The following RAD21L1 variants were observed in gnomAD, a reference collection of about 807,000 sequenced individuals.
RAD21L1 encodes double-strand-break repair protein rad21-like protein 1.
Under a neutral mutation model 69.0 loss-of-function variants are expected in RAD21L1, and 47 were observed. The observed-to-expected ratio is 0.68, with a 90% CI of 0.54 to 0.87. The LOEUF (loss-of-function observed/expected upper bound fraction) is 0.87, where lower values mean the gene tolerates loss of function less well. Ranked by LOEUF, RAD21L1 falls within the 40% of genes least tolerant of loss-of-function variation. RAD21L1 has a pLI of 0.00. For missense variants in RAD21L1, 583 were observed against 647.6 expected, an observed-to-expected ratio of 0.90 and a Z score of 1.08; for synonymous variants, 177 against 205.8, an observed-to-expected ratio of 0.86 and a Z score of 1.20.
chr20:1,237,917 G>T, intron 5 of RAD21L1, 127 bp from the exon 6 acceptor site: 1 of 499,674 alleles, frequency 2.0e-6, no homozygotes, highest in Non-Finnish European at 3.4e-6. Flanking sequence ...AAGTCTTTCA[G>T]CCATTCTCTT....
intron 7 of RAD21L1, 45 bp from the exon 8 acceptor site, chr20:1,240,276 C>A: frequency 6.6e-7 from 1 of 1,507,336 alleles, no homozygotes; most frequent in South Asian, 1.3e-5. Flanking sequence ...AGCCTGCATC[C>A]TAACTGGTTT....
intron 5 of RAD21L1, among the ~76,000 whole-genome samples, chr20:1,235,154 G>A (rs1600219191): frequency 6.6e-6 from 1 of 152,056 alleles, no homozygotes; most frequent in East Asian, 1.9e-4. Context: ...TACACCTCTT[G>A]TCTTGGTCTA....
At chr20:1,228,851 C>T (rs889757704) in intron 2 of RAD21L1, among the ~76,000 whole-genome samples, 37 of 152,138 alleles carry the variant, frequency 2.4e-4, no homozygotes, top group African/African-American at 8.4e-4. Context: ...TATTCATATT[C>T]CTTTCTTATT....
At chr20:1,236,748 A>G (rs988583604) in intron 5 of RAD21L1, among the ~76,000 whole-genome samples, 1 of 152,220 alleles carries the variant, frequency 6.6e-6, no homozygotes, top group African/African-American at 2.4e-5. Flanking sequence ...TTTCTCTTCT[A>G]TAAAAACTGC....
intron 13 of RAD21L1, among the ~76,000 whole-genome samples, chr20:1,251,438 T>C (rs184993613): frequency 9.5e-4 from 144 of 151,850 alleles, no homozygotes; most frequent in East Asian, 2.7e-3. Flanking sequence ...TTCATGTTCC[T>C]GAGTTTTAGA....
chr20:1,244,374 A>G (rs1470751324), intron 11 of RAD21L1, among the ~76,000 whole-genome samples: 1 of 152,172 alleles, frequency 6.6e-6, no homozygotes. Flanking sequence ...AAATTGCAAG[A>G]TAAGGTGGTT....
chr20:1,238,344 T>C (rs558176735), intron 6 of RAD21L1, 130 bp downstream of exon 6: 1 of 601,734 alleles, frequency 1.7e-6, no homozygotes, highest in African/African-American at 1.9e-5. Context: ...TACTTTTTTT[T>C]ATACAAGTTT....
chr20:1,239,772 G>A (rs1462228531), intron 7 of RAD21L1, among the ~76,000 whole-genome samples: 1 of 152,048 alleles, frequency 6.6e-6, no homozygotes, highest in Non-Finnish European at 1.5e-5. Flanking sequence ...AAATTCATAC[G>A]GAAGTACCTC....
At chr20:1,233,380 G>A (rs2087431948) in intron 4 of RAD21L1, among the ~76,000 whole-genome samples, 1 of 152,118 alleles carries the variant, frequency 6.6e-6, no homozygotes, top group African/African-American at 2.4e-5. Context: ...AGTTAGTCTG[G>A]GATATTAGGA....
chr20:1,249,067 A>G (rs1474527611), intron 13 of RAD21L1, among the ~76,000 whole-genome samples: 1 of 152,196 alleles, frequency 6.6e-6, no homozygotes, highest in African/African-American at 2.4e-5. Context: ...AAAATAATAC[A>G]TGTATATTAT....
At position 1,238,217 on chromosome 20, in the gene RAD21L1, A is replaced by T; in HGVS notation, c.646+3A>T. ...AGGAGCTGCAGGAGAAATGATTGGTATGCTATCTGGTCATGTGGAAATAAA... is the reference window on the plus strand; with the variant it reads ...AGGAGCTGCAGGAGAAATGATTGGTTTGCTATCTGGTCATGTGGAAATAAA... On this transcript the variant is annotated splice_donor_region_variant and intron_variant, in intron 6 of 13. Transcript: ENST00000683101. 1 of 1,496,082 alleles carries T rather than the reference A, an allele frequency of 6.7e-7. No homozygotes were observed. The highest frequency in any genetic ancestry group is 2.5e-5 in the East Asian group (1 of 40,252). The allele number at this position is 1,496,082 out of a possible 1,614,324, so 92.7% of individuals were successfully genotyped here. A position where few individuals can be genotyped will look rare whatever the true frequency, so the allele number is the denominator to read the frequency against.
At chr20:1,226,686 C>T (rs530326672) in intron 1 of RAD21L1, among the ~76,000 whole-genome samples, 1 of 152,200 alleles carries the variant, frequency 6.6e-6, no homozygotes, top group African/African-American at 2.4e-5. Flanking sequence ...GGCCCCATCC[C>T]GGTGGCTTCA....
intron 5 of RAD21L1, among the ~76,000 whole-genome samples, chr20:1,235,685 G>T (rs149605001): frequency 6.2e-4 from 94 of 152,040 alleles, no homozygotes; most frequent in African/African-American, 2.2e-3. Context: ...CAACACATTG[G>T]CAAAGAGGTA....
At chr20:1,249,665 A>G (rs1257208169) in intron 13 of RAD21L1, among the ~76,000 whole-genome samples, 4 of 152,226 alleles carry the variant, frequency 2.6e-5, no homozygotes, top group Non-Finnish European at 5.9e-5. Flanking sequence ...TAGCTGGGAA[A>G]TGTAGTCTTT....
Position 1,238,068 on chromosome 20 carries a change from G to C in RAD21L1, c.500G>C (p.Arg167Thr). The C allele has an allele frequency of 6.6e-7, 1 of 1,522,158 alleles. No individual in the cohort carries two copies. Among genetic ancestry groups the C allele is most frequent in the Admixed American group, 2.0e-5 (1 of 50,302 alleles). 94.3% of individuals were successfully genotyped at this position (1,522,158 alleles called of 1,614,324 possible). The stretch of plus-strand genomic sequence containing the variant: ...GGGGAGGAATCTGAAATTCTCAGAA[G>C]ACATAGCTTCTTTGATGACAACATA... Reference protein sequence around the residue: ...SFGEESEILRRHSFFDDNILL... With the variant: ...SFGEESEILRTHSFFDDNILL... The change falls in exon 6 of 14, where the codon AGA becomes ACA. Residue 167 changes from arginine (R) to threonine (T), a missense_variant. Arg to Thr is a moderately conservative substitution (Grantham distance 71, BLOSUM62 -1). Transcript: ENST00000683101.
Position 1,248,045 on chromosome 20 carries a change from C to CAAAAAA in RAD21L1, c.1402-563_1402-558dup, listed in dbSNP as rs71327497. On this transcript the variant is annotated intron_variant, in intron 12 of 13. Transcript: ENST00000683101. ...CTGAAAGTGGTTAAGCCTTAAATAC[C>CAAAAAA]AAAAAAAAAAAAAAAAAAAAAAAGA... 3.3e-4 allele frequency among the ~76,000 whole-genome samples: 24 copies of CAAAAAA among 71,926 alleles called. 1 individual carries two copies. Among genetic ancestry groups the CAAAAAA allele is most frequent in the African/African-American group, 7.4e-4 (13 of 17,530 alleles). The allele number at this position is 71,926 out of a possible 152,430, so 47.2% of individuals were successfully genotyped here.
chr20:1,233,978 A>G lies in RAD21L1; in HGVS notation c.369-107A>G, dbSNP rs1011571839. 6.8e-6 allele frequency: 4 copies of G among 586,454 alleles called. No individual in the cohort carries two copies. The Admixed American group carries it at 9.4e-5, about 14-fold the overall frequency. The allele number at this position is 586,454 out of a possible 1,614,324, so 36.3% of individuals were successfully genotyped here. On this transcript the variant is annotated intron_variant, in intron 4 of 13. Transcript: ENST00000683101. ...TAAACTAGTGTTTATAAATAATACT[A>G]TTGAGAAAATGAAAGTTGTTTTAGT...
At chr20:1,227,856 AACTCC>A (rs950881086) in intron 1 of RAD21L1, among the ~76,000 whole-genome samples, 7 of 152,162 alleles carry the variant, frequency 4.6e-5, no homozygotes, top group Admixed American at 6.5e-5. Flanking sequence ...ATGGAATGGA[AACTCC>A]ACTCCACTCC....
At chr20:1,247,750 A>C (rs1166989818) in intron 12 of RAD21L1, among the ~76,000 whole-genome samples, 1 of 152,064 alleles carries the variant, frequency 6.6e-6, no homozygotes, top group Non-Finnish European at 1.5e-5. Flanking sequence ...CACTTTTAGG[A>C]AGTGTCTGGG....
Sources: gnomAD v4.1 joint callset for allele counts (sites outside exome capture counted in the v4.1 genomes callset) on GRCh38, gnomAD v4.1.1 for gene constraint, MANE v1.5 for transcripts, NCBI Gene and HGNC (gene_info 2026-07-23, HGNC 2026-07-21) for gene names.